The following ZNF407 variants were observed in gnomAD, a reference collection of about 807,000 sequenced individuals.
ZNF407 encodes the protein zinc finger protein 407.
ZNF407 carries 17 observed loss-of-function variants against 131.2 expected under a neutral mutation model. The ratio of observed to expected loss-of-function variants is 0.13; its 90% CI spans 0.09 to 0.19. The LOEUF is 0.19. ZNF407 is among the 10% of genes least tolerant of loss of function. The probability of loss-of-function intolerance (pLI) is 1.00; values close to 1 mark genes in which losing one functional copy is unlikely to be tolerated. For synonymous variants in ZNF407, 1,156 were observed against 1,062.0 expected (o/e 1.09, Z -1.72); for missense variants, 2,681 against 2,830.6 (o/e 0.95, Z 1.20).
chr18:75,006,968 C>G (rs1408809472), intron 8 of ZNF407, among the ~76,000 whole-genome samples: 1 of 151,848 alleles, frequency 6.6e-6, no homozygotes, highest in African/African-American at 2.4e-5. Flanking sequence ...GCCTAAAAGT[C>G]TATTCTGTTG....
At chr18:75,013,145 G>A (rs773929221) in intron 8 of ZNF407, among the ~76,000 whole-genome samples, 31 of 152,168 alleles carry the variant, frequency 2.0e-4, no homozygotes, top group African/African-American at 5.1e-4. Flanking sequence ...GCTGCAGATC[G>A]CCTGCGTGGG....
At chr18:74,705,150 A>ATTT (rs113918730) in intron 3 of ZNF407, among the ~76,000 whole-genome samples, 100,769 of 150,474 alleles carry the variant, frequency 0.67, 34,619 homozygotes, top group East Asian at 0.81. Flanking sequence ...AGAAAAATAC[A>ATTT]TTTTTTTTTT....
At chr18:74,933,843 A>G (rs1972010112) in intron 8 of ZNF407, among the ~76,000 whole-genome samples, 1 of 152,186 alleles carries the variant, frequency 6.6e-6, no homozygotes, top group South Asian at 2.1e-4. Flanking sequence ...AATGAGGCAA[A>G]ATGTGAAGTA....
At chr18:74,829,869 G>A (rs1294193043) in intron 4 of ZNF407, among the ~76,000 whole-genome samples, 6 of 151,464 alleles carry the variant, frequency 4.0e-5, no homozygotes, top group Non-Finnish European at 7.4e-5. Context: ...GAATTACATT[G>A]TTATGGACTC....
In ZNF407 at chr18:75,063,646, C is replaced by T. The variant is rs1245580808; in HGVS notation, c.5925C>T (p.Leu1975=). Residue 1975 remains leucine (L), a synonymous_variant, in exon 9 of 9, where the codon CTC becomes CTT. Coordinates refer to ENST00000299687, the MANE Select transcript of ZNF407 (RefSeq NM_017757.3). The surrounding 1 kb of genome is among the most constrained non-coding windows in gnomAD (Gnocchi z 6.6). The part of the protein sequence containing the change: ...QQVTKQEILN[L]SEAGVAPPEA... ...TGACCAAGCAGGAGATTTTAAACCT[C>T]TCGGAGGCTGGAGTCGCTCCCCCCG... is the stretch of plus-strand genomic sequence containing the variant. 2 of 1,600,098 alleles carry T rather than the reference C, an allele frequency of 1.2e-6. No homozygotes were observed. The highest frequency in any genetic ancestry group is 1.7e-6 in the Non-Finnish European group (2 of 1,174,372).
intron 8 of ZNF407, among the ~76,000 whole-genome samples, chr18:75,034,833 C>T (rs1373958590): frequency 3.3e-5 from 5 of 152,148 alleles, no homozygotes; most frequent in African/African-American, 1.2e-4. Flanking sequence ...TACATCATCT[C>T]TGGGGGAAAC....
intron 3 of ZNF407, among the ~76,000 whole-genome samples, chr18:74,740,557 CT>C (rs1235986844): frequency 3.9e-5 from 6 of 152,172 alleles, no homozygotes; most frequent in African/African-American, 1.4e-4. Context: ...TGCACCCACC[CT>C]TGTCTCTTTA....
chr18:74,615,498 C>T (rs374532646), intron 1 of ZNF407, among the ~76,000 whole-genome samples: 118 of 152,208 alleles, frequency 7.8e-4, no homozygotes, highest in Admixed American at 3.5e-3. Flanking sequence ...AGTGAGACTC[C>T]GTCTTAAAAA....
At chr18:74,819,929 C>T (rs1970317756) in intron 4 of ZNF407, among the ~76,000 whole-genome samples, 1 of 152,104 alleles carries the variant, frequency 6.6e-6, no homozygotes, top group African/African-American at 2.4e-5. Flanking sequence ...CTCTAGTGGC[C>T]GGCGCAGTGC....
chr18:74,755,728 C>CCTTTCTTTCTTTCT (rs1968927046), intron 3 of ZNF407, among the ~76,000 whole-genome samples: 2 of 63,468 alleles, frequency 3.2e-5, no homozygotes, highest in African/African-American at 7.1e-5. Context: ...TTCTTTCTTT[C>CCTTTCTTTCTTTCT]CTTTCTTTCT....
intron 8 of ZNF407, among the ~76,000 whole-genome samples, chr18:74,933,880 A>C (rs1269755149): frequency 6.6e-6 from 1 of 152,222 alleles, no homozygotes; most frequent in Non-Finnish European, 1.5e-5. Flanking sequence ...AGACATGTTT[A>C]CACTTCCTTG....
intron 6 of ZNF407, among the ~76,000 whole-genome samples, chr18:74,884,790 A>T (rs1175961022): frequency 2.0e-5 from 3 of 152,200 alleles, no homozygotes; most frequent in Non-Finnish European, 2.9e-5. Flanking sequence ...GAGTTTTTTA[A>T]GAGGTTATGT....
intron 8 of ZNF407, among the ~76,000 whole-genome samples, chr18:74,931,580 G>A (rs1369670594): frequency 2.6e-5 from 4 of 152,066 alleles, no homozygotes; most frequent in Non-Finnish European, 5.9e-5. Context: ...ATAAGATTCT[G>A]TGAATATAAG....
chr18:74,953,874 G>A (rs1017955899), intron 8 of ZNF407, among the ~76,000 whole-genome samples: 18 of 152,200 alleles, frequency 1.2e-4, no homozygotes, highest in African/African-American at 4.1e-4. Flanking sequence ...GGGAACTGTG[G>A]CTGGGCTGCT....
intron 4 of ZNF407, among the ~76,000 whole-genome samples, chr18:74,836,944 T>A (rs1970567942): frequency 6.6e-6 from 1 of 152,112 alleles, no homozygotes; most frequent in African/African-American, 2.4e-5. Flanking sequence ...CGAAGATCAG[T>A]GATGAGGCCC....
In ZNF407 at chr18:74,633,756, G is replaced by A. The variant is rs1434005004; in HGVS notation, c.2737G>A (p.Gly913Arg). 1 of 1,613,822 alleles carries A rather than the reference G, an allele frequency of 6.2e-7. No individual in the cohort carries two copies. Among genetic ancestry groups the A allele is most frequent in the Non-Finnish European group, 8.5e-7 (1 of 1,179,880 alleles). ...AGGACGGGTAGAAATAGAAGCAAGT[G>A]GAAAACACAGTTCAGATATCATTGT... ...HKGRVEIEAS[G>R]KHSSDIIVGP... Residue 913 changes from glycine (G) to arginine (R), a missense_variant, in exon 2 of 9, where the codon GGA becomes AGA. Gly to Arg is a moderately radical substitution (Grantham distance 125). Transcript: ENST00000299687.
At chr18:74,737,660 G>A (rs1968449767) in intron 3 of ZNF407, among the ~76,000 whole-genome samples, 1 of 151,756 alleles carries the variant, frequency 6.6e-6, no homozygotes, top group South Asian at 2.1e-4. Flanking sequence ...ATTTTCAGCA[G>A]AGGACCACAG....
At chr18:74,772,323 A>G (rs984427770) in intron 3 of ZNF407, among the ~76,000 whole-genome samples, 1 of 152,198 alleles carries the variant, frequency 6.6e-6, no homozygotes, top group Non-Finnish European at 1.5e-5. Context: ...TACTTATAGA[A>G]AAACAACCCT....
intron 4 of ZNF407, among the ~76,000 whole-genome samples, chr18:74,786,171 T>C (rs535284464): frequency 2.6e-5 from 4 of 152,354 alleles, no homozygotes; most frequent in African/African-American, 9.6e-5. Flanking sequence ...AAGTTGTTCT[T>C]GTTGCATATA....
Sources: gnomAD v4.1 joint callset for allele counts (sites outside exome capture counted in the v4.1 genomes callset) on GRCh38, gnomAD v4.1.1 for gene constraint, Gnocchi (gnomAD v3.1) non-coding constraint, MANE v1.5 for transcripts, NCBI Gene and HGNC (gene_info 2026-07-23, HGNC 2026-07-21) for gene names.